Variants in SH3RF3 observed in about 807,000 individuals in gnomAD.
SH3RF3 encodes the protein SH3 domain containing ring finger 3.
In SH3RF3, 29 loss-of-function variants were observed where a neutral mutation model predicts 66.3. The ratio of observed to expected loss-of-function variants is 0.44; its 90% CI spans 0.33 to 0.60. The LOEUF is 0.60. Ranked by LOEUF, SH3RF3 falls within the 20% of genes least tolerant of loss-of-function variation. The probability of loss-of-function intolerance (pLI) is 0.04; values close to 1 mark genes in which losing one functional copy is unlikely to be tolerated. For missense variants in SH3RF3, 1,194 were observed against 1,190.9 expected, an observed-to-expected ratio of 1.00 and a Z score of -0.04; for synonymous variants, 583 against 532.0, an observed-to-expected ratio of 1.10 and a Z score of -1.32.
intron 1 of SH3RF3, among the ~76,000 whole-genome samples, chr2:109,184,926 A>G (rs1210236171): frequency 6.6e-6 from 1 of 152,242 alleles, no homozygotes; most frequent in Admixed American, 6.5e-5. Flanking sequence ...GTAAGAAAAT[A>G]TATACATTTT....
At chr2:109,321,036 C>G (rs1205406243) in intron 1 of SH3RF3, among the ~76,000 whole-genome samples, 1 of 152,188 alleles carries the variant, frequency 6.6e-6, no homozygotes, top group Non-Finnish European at 1.5e-5. Flanking sequence ...TCAAAAATGG[C>G]TGCTCTTACT....
At position 109,347,656 on chromosome 2, in the gene SH3RF3, GCTGT is replaced by G. The variant is rs745590719; in HGVS notation, c.574-13_574-10del. On this transcript the variant is annotated splice_polypyrimidine_tract_variant and intron_variant, in intron 1 of 9. Transcript: ENST00000309415. ...GAAGGGGCATGCCCGGTGACCACAT[GCTGT>G]CTGTTGCTTGCAGAATCCCTGCCTG... The G allele has an allele frequency of 1.2e-6, 2 of 1,611,156 alleles. No individual in the cohort carries two copies. Among genetic ancestry groups the G allele is most frequent in the Non-Finnish European group, 1.7e-6 (2 of 1,177,894 alleles).
chr2:109,364,421 G>T (rs1486337995), intron 2 of SH3RF3, among the ~76,000 whole-genome samples: 1 of 152,194 alleles, frequency 6.6e-6, no homozygotes, highest in Non-Finnish European at 1.5e-5. Flanking sequence ...AATCATAGTT[G>T]TTTTGTATCC....
intron 2 of SH3RF3, among the ~76,000 whole-genome samples, chr2:109,364,133 C>T (rs1193878126): frequency 6.6e-6 from 1 of 150,986 alleles, no homozygotes; most frequent in Non-Finnish European, 1.5e-5. Flanking sequence ...TGAAGTTGTC[C>T]TGCAGTTCTT....
At chr2:109,472,432 T>TGCGGGGCTTCCCG (rs1375033676) in intron 8 of SH3RF3, among the ~76,000 whole-genome samples, 1 of 152,114 alleles carries the variant, frequency 6.6e-6, no homozygotes, top group Non-Finnish European at 1.5e-5. Context: ...CTGCAGAGCT[T>TGCGGGGCTTCCCG]GCGGGGCTTC....
At chr2:109,488,829 C>G (rs1679050060) in intron 8 of SH3RF3, among the ~76,000 whole-genome samples, 2 of 152,198 alleles carry the variant, frequency 1.3e-5, no homozygotes. Context: ...GCACGGTGCA[C>G]AAGACCTTCA....
At chr2:109,390,741 A>G (rs1264367580) in intron 3 of SH3RF3, among the ~76,000 whole-genome samples, 2 of 152,162 alleles carry the variant, frequency 1.3e-5, no homozygotes, top group Non-Finnish European at 2.9e-5. Context: ...TCTTTGGCAG[A>G]TCTTGGTTTT....
intron 1 of SH3RF3, among the ~76,000 whole-genome samples, chr2:109,268,870 A>G (rs1439088526): frequency 6.6e-6 from 1 of 152,222 alleles, no homozygotes; most frequent in Non-Finnish European, 1.5e-5. Flanking sequence ...AATGAATTTC[A>G]GACCTAATGA....
chr2:109,355,715 A>C (rs780466589), intron 2 of SH3RF3, among the ~76,000 whole-genome samples: 2 of 152,066 alleles, frequency 1.3e-5, no homozygotes, highest in Non-Finnish European at 2.9e-5. Context: ...GACCCTGGGG[A>C]CGCCCTCCTC....
intron 1 of SH3RF3, among the ~76,000 whole-genome samples, chr2:109,203,616 G>A (rs1316560508): frequency 1.3e-5 from 2 of 152,068 alleles, no homozygotes; most frequent in African/African-American, 4.8e-5. Flanking sequence ...CCCTTTGCAC[G>A]ACAAGCATCG....
rs1246819507 is a variant in SH3RF3, at chr2:109,274,473, A to G, written c.574-73201A>G. 2.6e-5 allele frequency among the ~76,000 whole-genome samples: 4 copies of G among 152,360 alleles called. No homozygotes were observed. In the South Asian group the frequency reaches 6.2e-4, roughly 24 times the overall value. ...AGCCATCAAAGGAAATGAAATTGTC[A>G]TATATGCTGCATCTTGTGTGAACCT... On this transcript the variant is annotated intron_variant, in intron 1 of 9. Coordinates refer to ENST00000309415, the MANE Select transcript of SH3RF3 (RefSeq NM_001099289.3).
intron 4 of SH3RF3, among the ~76,000 whole-genome samples, chr2:109,415,957 C>T (rs1676712036): frequency 6.6e-6 from 1 of 152,136 alleles, no homozygotes. Flanking sequence ...GGGAGCAGGG[C>T]TGGTGGCTTT....
chr2:109,176,022 T>A (rs1160869177), intron 1 of SH3RF3, among the ~76,000 whole-genome samples: 1 of 152,218 alleles, frequency 6.6e-6, no homozygotes, highest in Non-Finnish European at 1.5e-5. Context: ...TTCTGCATGT[T>A]ATATCCTTGA....
chr2:109,140,217 T>TGCATGTGGTTGAC (rs1676915467), intron 1 of SH3RF3, among the ~76,000 whole-genome samples: 1 of 152,218 alleles, frequency 6.6e-6, no homozygotes, highest in African/African-American at 2.4e-5. Flanking sequence ...TGCACGTGGT[T>TGCATGTGGTTGAC]GCATGTGGTT....
At chr2:109,423,320 G>T (rs116179903) in intron 5 of SH3RF3, among the ~76,000 whole-genome samples, 2,280 of 152,256 alleles carry the variant, frequency 0.015, 60 homozygotes, top group African/African-American at 0.052. Flanking sequence ...CATGTGAGAC[G>T]TGCTCTCTGT....
At chr2:109,338,778 G>A (rs1221200451) in intron 1 of SH3RF3, among the ~76,000 whole-genome samples, 2 of 152,056 alleles carry the variant, frequency 1.3e-5, no homozygotes, top group East Asian at 1.9e-4. Flanking sequence ...GGCTGGTCTC[G>A]AACTCTTGAC....
chr2:109,185,837 C>G (rs772828938), intron 1 of SH3RF3, among the ~76,000 whole-genome samples: 6 of 152,232 alleles, frequency 3.9e-5, no homozygotes, highest in Non-Finnish European at 7.3e-5. Context: ...AATGAGGCGA[C>G]AGTGTCTTGT....
At chr2:109,416,792 G>C (rs1003234685) in intron 4 of SH3RF3, among the ~76,000 whole-genome samples, 2 of 151,690 alleles carry the variant, frequency 1.3e-5, no homozygotes, top group African/African-American at 4.8e-5. Context: ...TGTAATCCCG[G>C]CTACTCAGGA....
chr2:109,137,655 C>T (rs992084798), intron 1 of SH3RF3, among the ~76,000 whole-genome samples: 2 of 152,108 alleles, frequency 1.3e-5, no homozygotes, highest in Non-Finnish European at 2.9e-5. Context: ...TAGGATGAAC[C>T]CAGAGATACT....
Sources: allele counts gnomAD v4.1 joint callset (sites outside exome capture counted in the v4.1 genomes callset), GRCh38; gene constraint gnomAD v4.1.1; transcripts MANE v1.5; gene names NCBI Gene and HGNC (gene_info 2026-07-23, HGNC 2026-07-21).